Variants in SETD3 observed in about 807,000 individuals in gnomAD.
SETD3 encodes actin-histidine N-methyltransferase.
SETD3 carries 19 observed loss-of-function variants against 63.0 expected under a neutral mutation model. The observed-to-expected ratio is 0.30, with a 90% CI of 0.21 to 0.44. SETD3 has a LOEUF of 0.44. Ranked by LOEUF, SETD3 falls within the 20% of genes least tolerant of loss-of-function variation. The pLI, the probability that SETD3 is intolerant of heterozygous loss-of-function variation, is 1.00. For missense variants in SETD3, 587 were observed against 728.5 expected, an observed-to-expected ratio of 0.81 and a Z score of 2.24; for synonymous variants, 286 against 264.1, an observed-to-expected ratio of 1.08 and a Z score of -0.80.
At position 99,450,627 on chromosome 14, in the gene SETD3, G is replaced by A. The variant is rs1029557941; in HGVS notation, c.675+7652C>T. Among the ~76,000 whole-genome samples the A allele has an allele frequency of 2.0e-5, 3 of 152,204 alleles. No homozygotes were observed. The South Asian group carries it at 6.2e-4, about 31-fold the overall frequency. Reference sequence around the variant, plus strand: ...CATCCTGAAGCATAAGGCAGGAAAAGGGGGAGGCTGCTGCAATGATGCTTG... The same window carrying A: ...CATCCTGAAGCATAAGGCAGGAAAAAGGGGAGGCTGCTGCAATGATGCTTG... On this transcript the variant is annotated intron_variant, in intron 6 of 12. Coordinates refer to ENST00000331768, the MANE Select transcript of SETD3 (RefSeq NM_032233.3).
intron 12 of SETD3, 68 bp downstream of exon 12, chr14:99,400,031 G>C (rs113644941): frequency 2.1e-6 from 3 of 1,418,920 alleles, no homozygotes; most frequent in Non-Finnish European, 2.9e-6. Context: ...GTGAGCCACC[G>C]CACCAAGCCT....
rs1217527846 is a variant in SETD3, at chr14:99,413,948, G to A, written c.676-14C>T. ...ATGAGGATGGGTCTGGGAATTAGAA[G>A]TTTTAGAAAGCAGAGGTGAAAAGAG... On this transcript the variant is annotated splice_polypyrimidine_tract_variant and intron_variant, in intron 6 of 12. Coordinates refer to ENST00000331768, the MANE Select transcript of SETD3 (RefSeq NM_032233.3). 6.8e-6 allele frequency: 11 copies of A among 1,611,780 alleles called. No homozygotes were observed. The African/African-American group carries it at 1.5e-4, about 22-fold the overall frequency.
chr14:99,419,172 T>G (rs1260396950), intron 6 of SETD3, among the ~76,000 whole-genome samples: 3 of 152,240 alleles, frequency 2.0e-5, no homozygotes, highest in Non-Finnish European at 4.4e-5. Flanking sequence ...AGGGAATTTT[T>G]CATCATAAAG....
chr14:99,398,767 T>G lies in SETD3; in HGVS notation c.1697A>C (p.Glu566Ala). ...ENSIPNGTRS[E>A]NESLNQESKR... ...ACTTTCTTGATTGAGACTTTCATTT[T>G]CGGACCTGGTCCCATTAGGGATAGA... Residue 566 changes from glutamate to alanine, a missense_variant, in exon 13 of 13, where the codon GAA (glutamate) becomes GCA (alanine). Coordinates refer to ENST00000331768, the MANE Select transcript of SETD3 (RefSeq NM_032233.3). 6.2e-7 allele frequency: 1 copy of G among 1,614,242 alleles called. No homozygotes were observed. The highest frequency in any genetic ancestry group is 8.5e-7 in the Non-Finnish European group (1 of 1,180,040).
intron 6 of SETD3, among the ~76,000 whole-genome samples, chr14:99,426,323 T>A (rs892296121): frequency 6.6e-6 from 1 of 152,204 alleles, no homozygotes; most frequent in African/African-American, 2.4e-5. Flanking sequence ...CAACAAATAT[T>A]CACAGCACCC....
At chr14:99,436,976 G>C (rs1566708186) in intron 6 of SETD3, among the ~76,000 whole-genome samples, 1 of 152,224 alleles carries the variant, frequency 6.6e-6, no homozygotes. Context: ...TGAATGACCA[G>C]CTCCCATGGT....
At chr14:99,479,971 A>G (rs1180120501) in intron 1 of SETD3, among the ~76,000 whole-genome samples, 1 of 151,756 alleles carries the variant, frequency 6.6e-6, no homozygotes, top group Non-Finnish European at 1.5e-5. Flanking sequence ...AAAAGACAAG[A>G]GTTGCATCGC....
chr14:99,483,247 A>G (rs1566744870), upstream of SETD3, among the ~76,000 whole-genome samples: 1 of 152,144 alleles, frequency 6.6e-6, no homozygotes, highest in Non-Finnish European at 1.5e-5. Context: ...GCAGAGCTTC[A>G]GTGAGAAAAG....
At chr14:99,472,761 T>C (rs1389636029) in intron 1 of SETD3, among the ~76,000 whole-genome samples, 1 of 152,154 alleles carries the variant, frequency 6.6e-6, no homozygotes, top group African/African-American at 2.4e-5. Context: ...TTCCACAAAG[T>C]TTAGACTGAA....
At chr14:99,448,160 A>T (rs1409891090) in intron 6 of SETD3, among the ~76,000 whole-genome samples, 1 of 152,178 alleles carries the variant, frequency 6.6e-6, no homozygotes, top group Non-Finnish European at 1.5e-5. Context: ...TTCCAAGTGC[A>T]GGTACCATAA....
intron 6 of SETD3, among the ~76,000 whole-genome samples, chr14:99,455,261 C>A (rs1894693334): frequency 3.3e-5 from 5 of 152,180 alleles, no homozygotes; most frequent in African/African-American, 1.2e-4. Context: ...CCTGTGAAGT[C>A]CCCCAGCTAA....
chr14:99,435,515 T>C lies in SETD3; in HGVS notation c.676-21581A>G, dbSNP rs137893501. Among the ~76,000 whole-genome samples, 49 of 152,274 alleles carry C rather than the reference T, an allele frequency of 3.2e-4. No homozygotes were observed. The East Asian group carries it at 9.3e-3, about 29-fold the overall frequency. On this transcript the variant is annotated intron_variant, in intron 6 of 12. Transcript: ENST00000331768. ...CCACGAGTGCCCTGAATGTAAACAGTTACTCAATAGTTTACAGAACTGGCA... is the reference window on the plus strand; with the variant it reads ...CCACGAGTGCCCTGAATGTAAACAGCTACTCAATAGTTTACAGAACTGGCA...
chr14:99,419,774 C>CA (rs538399332), intron 6 of SETD3, among the ~76,000 whole-genome samples: 3,797 of 82,732 alleles, frequency 0.046, 51 homozygotes, highest in Non-Finnish European at 0.071. Context: ...GACTCCGTCT[C>CA]AAAAAAAAAA....
chr14:99,463,094 T>C (rs1895164742), intron 3 of SETD3, among the ~76,000 whole-genome samples: 2 of 152,194 alleles, frequency 1.3e-5, no homozygotes, highest in African/African-American at 4.8e-5. Context: ...TGTGTGTGAG[T>C]TCATTATAAA....
chr14:99,411,223 C>G (rs1015197656), intron 8 of SETD3: 1 of 152,152 alleles, frequency 6.6e-6, no homozygotes, highest in Non-Finnish European at 1.5e-5. Flanking sequence ...ATGTTTCTGC[C>G]AGGACTGTGG....
chr14:99,467,182 TTAATA>T (rs1895434639), intron 1 of SETD3, among the ~76,000 whole-genome samples: 2 of 152,190 alleles, frequency 1.3e-5, no homozygotes, highest in Admixed American at 1.3e-4. Context: ...GTGTAACACA[TTAATA>T]TAATAAGTCT....
intron 4 of SETD3, among the ~76,000 whole-genome samples, chr14:99,459,984 T>C (rs1339596251): frequency 5.3e-5 from 8 of 152,232 alleles, no homozygotes; most frequent in South Asian, 4.1e-4. Context: ...CAAAAGCACA[T>C]AGTGAGGAAA....
chr14:99,407,823 C>A (rs1409501250), intron 8 of SETD3, among the ~76,000 whole-genome samples: 3 of 152,190 alleles, frequency 2.0e-5, no homozygotes, highest in African/African-American at 7.2e-5. Flanking sequence ...CACTTGGAAG[C>A]TGGAGCCCCT....
intron 8 of SETD3, among the ~76,000 whole-genome samples, chr14:99,408,498 T>C (rs1891804472): frequency 6.6e-6 from 1 of 151,532 alleles, no homozygotes; most frequent in African/African-American, 2.4e-5. Flanking sequence ...GTGCTGGCAG[T>C]ACAGGTACAC....
Sources: allele counts gnomAD v4.1 joint callset (sites outside exome capture counted in the v4.1 genomes callset), GRCh38; gene constraint gnomAD v4.1.1; transcripts MANE v1.5; gene names NCBI Gene and HGNC (gene_info 2026-07-23, HGNC 2026-07-21).